SCN3A: variants seen among roughly 807,000 people sequenced by gnomAD.
The protein encoded by SCN3A is sodium channel protein type 3 subunit alpha.
A neutral mutation model predicts 187.6 loss-of-function variants in SCN3A; 60 were observed. The ratio of observed to expected loss-of-function variants is 0.32; its 90% CI spans 0.26 to 0.40. SCN3A has a LOEUF of 0.40. Among genes scored for constraint, SCN3A ranks in the 10% least tolerant of loss-of-function variants. The pLI, the probability that SCN3A is intolerant of heterozygous loss-of-function variation, is 1.00. For synonymous variants in SCN3A, 788 were observed against 829.2 expected, an observed-to-expected ratio of 0.95 and a Z score of 0.85; for missense variants, 1,601 against 2,428.2, an observed-to-expected ratio of 0.66 and a Z score of 7.16.
rs377024086 is a variant in SCN3A at position 165,125,633 on chromosome 2, A to G, written c.3393+1998T>C. ...CACCCAGCCAGGATTAAAGTTTTTA[A>G]TAGGTCTTTAATAATTTCATGAGTT... On this transcript the variant is annotated intron_variant, in intron 18 of 27. Transcript: ENST00000283254. Among the ~76,000 whole-genome samples, 18 of 152,254 alleles carry G rather than the reference A, an allele frequency of 1.2e-4. No individual in the cohort carries two copies. In the East Asian group the frequency reaches 2.9e-3, roughly 25 times the overall value.
intron 21 of SCN3A, 75 bp from the exon 22 acceptor site, chr2:165,100,499 A>G: frequency 6.8e-7 from 1 of 1,469,024 alleles, no homozygotes; most frequent in Non-Finnish European, 9.4e-7. Flanking sequence ...TGTGGTATCT[A>G]TTTAATGCAG....
At chr2:165,168,611 T>C in intron 5 of SCN3A, 125 bp downstream of exon 5, 6 of 753,664 alleles carry the variant, frequency 8.0e-6, no homozygotes, top group South Asian at 7.3e-5. Flanking sequence ...CTTATCTTCT[T>C]TCATATTATG....
chr2:165,172,665 A>G (rs1050395826), intron 3 of SCN3A, among the ~76,000 whole-genome samples: 14 of 152,164 alleles, frequency 9.2e-5, no homozygotes, highest in Non-Finnish European at 1.9e-4. Flanking sequence ...TTCATTTTGA[A>G]CTATCTCCAA....
chr2:165,092,148 A>G lies in SCN3A; in HGVS notation c.4807+106T>C, dbSNP rs1465447214. On this transcript the variant is annotated intron_variant, in intron 27 of 27. Transcript: ENST00000283254. The surrounding 1 kb of genome is among the most constrained non-coding windows in gnomAD (Gnocchi z 4.2). ...TATGCTAGTGTTGAACTTTACATCT[A>G]TATGCATTATTATTCTCAGACCTAA... 7.4e-6 allele frequency: 8 copies of G among 1,077,260 alleles called. No homozygotes were observed. The East Asian group carries it at 1.6e-4, about 22-fold the overall frequency. 66.7% of individuals were successfully genotyped at this position (1,077,260 alleles called of 1,614,324 possible).
intron 21 of SCN3A, among the ~76,000 whole-genome samples, chr2:165,105,307 A>C (rs1285682845): frequency 6.6e-6 from 1 of 152,150 alleles, no homozygotes; most frequent in African/African-American, 2.4e-5. Flanking sequence ...TTTCCCTGCA[A>C]CACCACAGAT....
chr2:165,134,866 A>G (rs1437092624), intron 15 of SCN3A, among the ~76,000 whole-genome samples: 1 of 152,020 alleles, frequency 6.6e-6, no homozygotes, highest in African/African-American at 2.4e-5. Context: ...CTTTCTATAG[A>G]AAATCATAAG....
At chr2:165,144,276 C>A (rs1688193679) in intron 12 of SCN3A, among the ~76,000 whole-genome samples, 1 of 152,168 alleles carries the variant, frequency 6.6e-6, no homozygotes, top group Admixed American at 6.6e-5. Context: ...CTTAGTCTGT[C>A]TTTACTGGGA....
At chr2:165,191,928 T>G (rs989902190) in intron 1 of SCN3A, among the ~76,000 whole-genome samples, 7 of 145,208 alleles carry the variant, frequency 4.8e-5, no homozygotes, top group Admixed American at 3.4e-4. Context: ...AATTTAGTAG[T>G]TTTTTTTTTT....
intron 20 of SCN3A, among the ~76,000 whole-genome samples, chr2:165,113,461 GA>G (rs199630895): frequency 4.0e-5 from 6 of 150,552 alleles, no homozygotes; most frequent in East Asian, 1.9e-4. Context: ...GATTATACAT[GA>G]AAAAAAAACC....
chr2:165,194,080 C>T (rs1691782055), intron 1 of SCN3A, among the ~76,000 whole-genome samples: 1 of 152,008 alleles, frequency 6.6e-6, no homozygotes, highest in Non-Finnish European at 1.5e-5. Flanking sequence ...CATGCCCCTG[C>T]CCTATCTTTA....
At chr2:165,097,203 C>T (rs1685398826) in intron 23 of SCN3A, 49 bp downstream of exon 23, 2 of 1,610,070 alleles carry the variant, frequency 1.2e-6, no homozygotes, top group East Asian at 2.2e-5. Flanking sequence ...AATAATCTTC[C>T]TTGAAACATC....
At chr2:165,168,646 G>T in intron 5 of SCN3A, 90 bp downstream of exon 5, 1 of 932,048 alleles carries the variant, frequency 1.1e-6, no homozygotes. Context: ...TTAGACAGAA[G>T]TGGAAACCAT....
chr2:165,098,687 T>C (rs1009787627), intron 22 of SCN3A, among the ~76,000 whole-genome samples: 3 of 152,126 alleles, frequency 2.0e-5, no homozygotes, highest in African/African-American at 7.2e-5. Context: ...ATAAGGCGGG[T>C]TGGACAAGTT....
At chr2:165,107,121 G>C (rs1685900521) in intron 21 of SCN3A, among the ~76,000 whole-genome samples, 1 of 152,170 alleles carries the variant, frequency 6.6e-6, no homozygotes, top group African/African-American at 2.4e-5. Context: ...AACATGTGCA[G>C]ATAACAGGTG....
At chr2:165,152,946 GA>G (rs1403974765) in intron 11 of SCN3A, among the ~76,000 whole-genome samples, 2 of 130,956 alleles carry the variant, frequency 1.5e-5, no homozygotes, top group East Asian at 2.2e-4. Context: ...ATGAAACTTA[GA>G]AAAAAAACTC....
At chr2:165,189,735 T>C (rs1045566627) in intron 1 of SCN3A, among the ~76,000 whole-genome samples, 1 of 152,250 alleles carries the variant, frequency 6.6e-6, no homozygotes, top group African/African-American at 2.4e-5. Flanking sequence ...TTATTTATCC[T>C]TTAAGATCTT....
intron 9 of SCN3A, among the ~76,000 whole-genome samples, chr2:165,157,195 C>G (rs1689110709): frequency 6.6e-6 from 1 of 152,192 alleles, no homozygotes; most frequent in African/African-American, 2.4e-5. Context: ...CAGGCGAGAG[C>G]CACCGTGCCC....
chr2:165,092,490 G>T lies in SCN3A; in HGVS notation c.4571C>A (p.Thr1524Asn), dbSNP rs529172273. ...GATGCTGATATCAAAGACTTGTCTG[G>T]TTACAAAATCAAAGACCATTCCTTG... ...KFQGMVFDFV[T>N]RQVFDISIMI... The change falls in exon 27 of 28, where the codon ACC (threonine) becomes AAC (asparagine). Residue 1524 changes from threonine (T) to asparagine (N), a missense_variant. Coordinates refer to ENST00000283254, the MANE Select transcript of SCN3A (RefSeq NM_006922.4). The surrounding 1 kb of genome is among the most constrained non-coding windows in gnomAD (Gnocchi z 4.2). 6.2e-7 allele frequency: 1 copy of T among 1,613,702 alleles called. No individual in the cohort carries two copies. Among genetic ancestry groups the T allele is most frequent in the East Asian group, 2.2e-5 (1 of 44,868 alleles).
intron 5 of SCN3A, among the ~76,000 whole-genome samples, chr2:165,166,639 C>T (rs1689777847): frequency 6.6e-6 from 1 of 152,150 alleles, no homozygotes. Context: ...ATATCGGTGA[C>T]TTCAGTTTTC....
Sources: gnomAD v4.1 joint callset for allele counts (sites outside exome capture counted in the v4.1 genomes callset) on GRCh38, gnomAD v4.1.1 for gene constraint, Gnocchi (gnomAD v3.1) non-coding constraint, MANE v1.5 for transcripts, NCBI Gene and HGNC (gene_info 2026-07-23, HGNC 2026-07-21) for gene names.